Variants in GPLD1 observed in about 807,000 individuals in gnomAD.
GPLD1 encodes the protein glycosylphosphatidylinositol specific phospholipase D1, also known as phosphatidylinositol-glycan-specific phospholipase D.
In GPLD1, 84 loss-of-function variants were observed where a neutral mutation model predicts 112.6. The ratio of observed to expected loss-of-function variants is 0.75; its 90% confidence interval spans 0.63 to 0.89. The LOEUF (loss-of-function observed/expected upper bound fraction) is 0.89, where lower values mean the gene tolerates loss of function less well. GPLD1 is among the 40% of genes least tolerant of loss of function. GPLD1 has a pLI of 0.00. For missense variants in GPLD1, 1,044 were observed against 1,051.5 expected (o/e 0.99, Z 0.10); for synonymous variants, 386 against 403.8 (o/e 0.96, Z 0.53).
intron 7 of GPLD1, among the ~76,000 whole-genome samples, chr6:24,470,039 AC>A (rs1358837488): frequency 6.6e-6 from 1 of 152,108 alleles, no homozygotes; most frequent in Non-Finnish European, 1.5e-5. Context: ...AAACAAAAAA[AC>A]CCTGGGAGGT....
chr6:24,447,747 T>C (rs982015151), intron 17 of GPLD1, 130 bp downstream of exon 17: 4 of 852,708 alleles, frequency 4.7e-6, no homozygotes, highest in Admixed American at 2.8e-5. Context: ...TCTTTAAGAG[T>C]AACAGACTGT....
chr6:24,473,274 G>A (rs1439295530), intron 6 of GPLD1: 4 of 174,110 alleles, frequency 2.3e-5, no homozygotes, highest in Non-Finnish European at 4.9e-5. Context: ...ACTACTACAG[G>A]CAAAAGGTGG....
In GPLD1 at chr6:24,474,897, G is replaced by A. The variant is rs570188944; in HGVS notation, c.441+224C>T. ...GGAGGTTGCAGTGAGCCAAGATCGC[G>A]CCTTCGCACCACTGCATTCCAGCCT... On this transcript the variant is annotated intron_variant, in intron 5 of 24. Transcript: ENST00000230036. Among the ~76,000 whole-genome samples the A allele has an allele frequency of 2.5e-3, 368 of 148,514 alleles. 3 individuals carry two copies. The highest frequency in any genetic ancestry group is 6.9e-3 in the African/African-American group (274 of 39,582).
chr6:24,462,413 G>A (rs997520698), intron 11 of GPLD1, among the ~76,000 whole-genome samples: 1 of 152,116 alleles, frequency 6.6e-6, no homozygotes, highest in African/African-American at 2.4e-5. Flanking sequence ...AGGATTACAC[G>A]TATGAGCCAC....
At position 24,437,154 on chromosome 6, in the gene GPLD1, C is replaced by A. The variant is rs1561829538; in HGVS notation, c.2156G>T (p.Gly719Val). 1 of 1,614,262 alleles carries A rather than the reference C, an allele frequency of 6.2e-7. No homozygotes were observed. The highest frequency in any genetic ancestry group is 8.5e-7 in the Non-Finnish European group (1 of 1,180,048). Residue 719 changes from glycine (G) to valine (V), a missense_variant, in exon 21 of 25, where the codon GGT (glycine) becomes GTT (valine). Physicochemically the swap from Gly to Val is moderately radical, Grantham distance 109. Transcript: ENST00000230036. ...CAGGTCACTCAAGTGCAGAACGCCACCAAATCGGGAGAAGCGGCGGTCTCC... is the reference window on the plus strand; with the variant it reads ...CAGGTCACTCAAGTGCAGAACGCCAACAAATCGGGAGAAGCGGCGGTCTCC... ...FSGDRRFSRFGGVLHLSDLDD... is the reference protein window; with the variant it reads ...FSGDRRFSRFVGVLHLSDLDD...
chr6:24,481,695 T>C (rs888655903), intron 2 of GPLD1, among the ~76,000 whole-genome samples: 1 of 152,126 alleles, frequency 6.6e-6, no homozygotes, highest in Admixed American at 6.5e-5. Flanking sequence ...CTTCCCCTTG[T>C]GGCTGCTGAG....
At chr6:24,472,822 C>A (rs1006404811) in intron 6 of GPLD1, among the ~76,000 whole-genome samples, 186 bp from the exon 7 acceptor site, 20 of 151,348 alleles carry the variant, frequency 1.3e-4, no homozygotes, top group Admixed American at 4.0e-4. Flanking sequence ...ATTGCCCAGG[C>A]TGGAGTGCAA....
At chr6:24,436,877 A>G in intron 21 of GPLD1, 141 bp from the exon 22 acceptor site, 2 of 880,760 alleles carry the variant, frequency 2.3e-6, no homozygotes, top group Non-Finnish European at 1.7e-6. Context: ...CATCCTGGCA[A>G]AGGCTTTTGT....
chr6:24,435,622 A>AGGCAGGCGG (rs1762546924), intron 22 of GPLD1, among the ~76,000 whole-genome samples: 1 of 150,172 alleles, frequency 6.7e-6, no homozygotes, highest in Non-Finnish European at 1.5e-5. Flanking sequence ...TTTGGGCTGT[A>AGGCAGGCGG]ATCCCAGCCT....
intron 7 of GPLD1, among the ~76,000 whole-genome samples, chr6:24,470,978 C>A (rs192647226): frequency 7.2e-5 from 11 of 152,250 alleles, no homozygotes; most frequent in African/African-American, 2.4e-4. Context: ...CAAAGTTTTT[C>A]TTGGAACATG....
rs750098696 is a variant in GPLD1 at position 24,454,323 on chromosome 6, C to A, written c.1149-122G>T. The A allele has an allele frequency of 1.6e-4, 90 of 575,800 alleles. No homozygotes were observed. In the Middle Eastern group the frequency reaches 2.8e-3, roughly 18 times the overall value. The allele number at this position is 575,800 out of a possible 1,614,324, so 35.7% of individuals were successfully genotyped here. A position where few individuals can be genotyped will look rare whatever the true frequency, so the allele number is the denominator to read the frequency against. On this transcript the variant is annotated intron_variant, in intron 13 of 24. Coordinates refer to ENST00000230036, the MANE Select transcript of GPLD1 (RefSeq NM_001503.4). Reference sequence around the variant, plus strand: ...TTCTCTCACTGACTTTTCCACCCTGCGTGACTGTTGTGAATATTCACTTCT... The same window carrying A: ...TTCTCTCACTGACTTTTCCACCCTGAGTGACTGTTGTGAATATTCACTTCT...
intron 1 of GPLD1, chr6:24,494,871 G>T: frequency 9.1e-7 from 1 of 1,102,640 alleles, no homozygotes; most frequent in Non-Finnish European, 1.1e-6. Context: ...GCAACCTTCC[G>T]CCAGCTCCCA....
At chr6:24,484,116 C>T (rs951596354) in intron 2 of GPLD1, among the ~76,000 whole-genome samples, 2 of 151,950 alleles carry the variant, frequency 1.3e-5, no homozygotes, top group Non-Finnish European at 2.9e-5. Flanking sequence ...GGGGTTTCAC[C>T]GTGTTAGCCA....
At position 24,429,058 on chromosome 6, in the gene GPLD1, G is replaced by C. The variant is rs773206190; in HGVS notation, c.2497C>G (p.His833Asp). The C allele has an allele frequency of 1.2e-6, 2 of 1,613,378 alleles. No homozygotes were observed. The highest frequency in any genetic ancestry group is 1.1e-5 in the South Asian group (1 of 91,018). Residue 833 changes from histidine to aspartate, a missense_variant, in exon 25 of 25, where the codon CAC becomes GAC. Coordinates refer to ENST00000230036, the MANE Select transcript of GPLD1 (RefSeq NM_001503.4). ...SLGARLSGAL[H>D]VYSLGSD ...CAATCTGAGCCAAGGCTATAGACGT[G>C]AAGTGCCCCGGAGAGTCGGGCTCCC...
At chr6:24,478,541 T>G (rs556874688) in intron 3 of GPLD1, among the ~76,000 whole-genome samples, 2 of 152,180 alleles carry the variant, frequency 1.3e-5, no homozygotes, top group African/African-American at 4.8e-5. Context: ...TTCTCTACCT[T>G]GTAGGGTGAC....
rs140944011 is a variant in GPLD1, at chr6:24,426,229, A to G, written c.*2803T>C. On this transcript the variant is annotated 3_prime_UTR_variant, in exon 25 of 25. Transcript: ENST00000230036. ...AGATTTCTGTTAATGAGAAATTACA[A>G]CCCTACAAGGTAAGGTCTTTACATT... 6.6e-5 allele frequency: 10 copies of G among 152,360 alleles called. No homozygotes were observed. Among genetic ancestry groups the G allele is most frequent in the African/African-American group, 2.4e-4 (10 of 41,596 alleles). The allele number at this position is 152,360 out of a possible 1,614,324, so 9.4% of individuals were successfully genotyped here.
intron 3 of GPLD1, among the ~76,000 whole-genome samples, chr6:24,479,135 A>G (rs1764116538): frequency 6.6e-6 from 1 of 152,178 alleles, no homozygotes; most frequent in East Asian, 1.9e-4. Flanking sequence ...AAGCCCCAAG[A>G]TAACCTCCCC....
chr6:24,438,791 CT>C (rs67622968), intron 20 of GPLD1, among the ~76,000 whole-genome samples: 42,556 of 150,718 alleles, frequency 0.28, 6,448 homozygotes, highest in African/African-American at 0.38. Flanking sequence ...ATTCCTTTTT[CT>C]TTTTTTATTA....
intron 2 of GPLD1, among the ~76,000 whole-genome samples, chr6:24,483,723 C>T (rs1187034120): frequency 2.0e-5 from 3 of 151,528 alleles, no homozygotes; most frequent in Admixed American, 1.3e-4. Context: ...GTAAATCTTG[C>T]GGTGTCGGAT....
Sources: allele counts gnomAD v4.1 joint callset (sites outside exome capture counted in the v4.1 genomes callset), GRCh38; gene constraint gnomAD v4.1.1; transcripts MANE v1.5; gene names NCBI Gene and HGNC (gene_info 2026-07-23, HGNC 2026-07-21).